Variants in MYO10 observed in about 807,000 individuals in gnomAD.
MYO10 encodes the protein myosin X.
Under a neutral mutation model 257.3 loss-of-function variants are expected in MYO10, and 133 were observed. The ratio of observed to expected loss-of-function variants is 0.52; its 90% confidence interval spans 0.45 to 0.60. The LOEUF is 0.60. Ranked by LOEUF, MYO10 falls within the 20% of genes least tolerant of loss-of-function variation. The pLI, the probability that MYO10 is intolerant of heterozygous loss-of-function variation, is 0.00. For synonymous variants in MYO10, 1,104 were observed against 1,028.6 expected, an observed-to-expected ratio of 1.07 and a Z score of -1.40; for missense variants, 2,399 against 2,635.7, an observed-to-expected ratio of 0.91 and a Z score of 1.97.
chr5:16,781,682 T>C (rs968653070), intron 6 of MYO10, 23 bp downstream of exon 6: 1 of 1,605,448 alleles, frequency 6.2e-7, no homozygotes, highest in African/African-American at 1.3e-5. Flanking sequence ...TTACTATAGA[T>C]AAAAATAAAT....
rs1741338451 is a variant in MYO10 at position 16,779,608 on chromosome 5, C to T, written c.867G>A (p.Leu289=). The change falls in exon 9 of 41, where the codon TTG becomes TTA. Residue 289 remains leucine, a synonymous_variant. Transcript: ENST00000513610. ...TGTCTTCTACACATCCAGACTGATT[C>T]AAGTAGTGGTAGTTTTCTGGCGTAG... ...YLSTPENYHY[L]NQSGCVEDKT... The T allele has an allele frequency of 1.2e-6, 2 of 1,604,552 alleles. No homozygotes were observed. Among genetic ancestry groups the T allele is most frequent in the Non-Finnish European group, 1.7e-6 (2 of 1,177,388 alleles).
chr5:16,864,518 G>A (rs1168378796), intron 2 of MYO10, among the ~76,000 whole-genome samples: 1 of 152,138 alleles, frequency 6.6e-6, no homozygotes, highest in Non-Finnish European at 1.5e-5. Context: ...CTGCATATTT[G>A]CGTTCGTGCA....
chr5:16,792,305 T>C (rs1392502930), intron 4 of MYO10, among the ~76,000 whole-genome samples: 6 of 151,822 alleles, frequency 4.0e-5, no homozygotes, highest in Non-Finnish European at 8.8e-5. Flanking sequence ...CCCCTGCAAA[T>C]GGCTTTCCGT....
At chr5:16,885,800 A>C (rs915861504) in intron 1 of MYO10, among the ~76,000 whole-genome samples, 1 of 152,148 alleles carries the variant, frequency 6.6e-6, no homozygotes, top group Admixed American at 6.5e-5. Flanking sequence ...GCTGGGGCAC[A>C]ACCCTAAGAT....
At chr5:16,911,626 G>C (rs1010156576) in intron 1 of MYO10, among the ~76,000 whole-genome samples, 1 of 152,086 alleles carries the variant, frequency 6.6e-6, no homozygotes, top group South Asian at 2.1e-4. Flanking sequence ...CAGCTACTTG[G>C]GTAACTGAGG....
intron 2 of MYO10, among the ~76,000 whole-genome samples, chr5:16,870,527 T>C (rs1252602114): frequency 6.6e-6 from 1 of 151,526 alleles, no homozygotes; most frequent in African/African-American, 2.4e-5. Context: ...TGCACCACTC[T>C]AAATCAAAGG....
At chr5:16,733,698 A>T (rs143063705) in intron 19 of MYO10, among the ~76,000 whole-genome samples, 1,632 of 152,332 alleles carry the variant, frequency 0.011, 11 homozygotes, top group Middle Eastern at 0.061. Flanking sequence ...ATATCTGTTA[A>T]GTATAAATTA....
rs1023290366 is a variant in MYO10 at position 16,670,553 on chromosome 5, G to A, written c.5856C>T (p.Gly1952=). The A allele has an allele frequency of 9.9e-6, 16 of 1,612,790 alleles. No homozygotes were observed. The African/African-American group carries it at 1.6e-4, about 16-fold the overall frequency. ...KYMALIKEWP[G]YGSTLFDVEC... is the part of the protein sequence containing the mutation. ...CCACATCAAACAGCGTCGAGCCATA[G>A]CCAGGCCACTCCTTGATCAAGGCCA... The change falls in exon 39 of 41, where the codon GGC becomes GGT. Residue 1952 remains glycine (G), a synonymous_variant. Transcript: ENST00000513610.
rs192857675 is a variant in MYO10, at chr5:16,701,519, C to T, written c.2876G>A (p.Arg959Gln). ...EIDECVRNIERSLSVGSEFSS... is the reference protein window; with the variant it reads ...EIDECVRNIEQSLSVGSEFSS... ...AAATTCGCTTCCCACCGACAGGGAC[C>T]GCTCGATATTCCGGACACACTCGTC... The change falls in exon 25 of 41, where the codon CGG (arginine) becomes CAG (glutamine). Residue 959 changes from arginine (R) to glutamine (Q), a missense_variant. This residue lies in a region of MYO10 where 1,820 missense variants were observed against 1,939.4 expected (regional missense o/e 0.94). Coordinates refer to ENST00000513610, the MANE Select transcript of MYO10 (RefSeq NM_012334.3). This position sits in a 1 kb window ranked among gnomAD's most constrained non-coding sequence, Gnocchi z 8.1. 5.0e-5 allele frequency: 81 copies of T among 1,613,970 alleles called. No homozygotes were observed. In the East Asian group the frequency reaches 1.3e-3, roughly 26 times the overall value.
intron 9 of MYO10, among the ~76,000 whole-genome samples, chr5:16,769,753 C>T (rs931627409): frequency 1.2e-4 from 18 of 152,150 alleles, no homozygotes; most frequent in African/African-American, 3.6e-4. Context: ...TAGTGTCCCC[C>T]TTACATACAA....
In MYO10 at chr5:16,907,670, C is replaced by T. The variant is rs148080332; in HGVS notation, c.21+28118G>A. Among the ~76,000 whole-genome samples the T allele has an allele frequency of 2.6e-5, 4 of 152,200 alleles. No homozygotes were observed. The East Asian group carries it at 7.7e-4, about 29-fold the overall frequency. The stretch of plus-strand genomic sequence containing the variant: ...TATGCTTCCTCTTTAAGAAACTACC[C>T]ACAGAATACACAACTCACTGTGGGA... On this transcript the variant is annotated intron_variant, in intron 1 of 40. Transcript: ENST00000513610.
At chr5:16,723,562 C>T (rs1189888908) in intron 19 of MYO10, among the ~76,000 whole-genome samples, 4 of 152,110 alleles carry the variant, frequency 2.6e-5, no homozygotes, top group Non-Finnish European at 5.9e-5. Context: ...AAGACAGTTT[C>T]TTAAAAGCTG....
chr5:16,664,820 C>T lies in MYO10; in HGVS notation c.*1872G>A, dbSNP rs1173425504. 6.6e-6 allele frequency: 1 copy of T among 152,180 alleles called. No individual in the cohort carries two copies. The highest frequency in any genetic ancestry group is 1.5e-5 in the Non-Finnish European group (1 of 68,060). The allele number at this position is 152,180 out of a possible 1,614,324, so 9.4% of individuals were successfully genotyped here. ...CTTCTTTTGCTTTCTTGAAGTCACA[C>T]TCAGTGTCTACAAGAGCAGTGGAGA... On this transcript the variant is annotated 3_prime_UTR_variant, in exon 41 of 41. Coordinates refer to ENST00000513610, the MANE Select transcript of MYO10 (RefSeq NM_012334.3).
chr5:16,693,209 A>T (rs1296415543), intron 27 of MYO10, among the ~76,000 whole-genome samples: 2 of 152,166 alleles, frequency 1.3e-5, no homozygotes, highest in Non-Finnish European at 2.9e-5. Context: ...TTGAGGCTGC[A>T]GTGAGCCGAG....
chr5:16,895,076 C>T (rs943839834), intron 1 of MYO10, among the ~76,000 whole-genome samples: 1 of 152,234 alleles, frequency 6.6e-6, no homozygotes, highest in Non-Finnish European at 1.5e-5. Flanking sequence ...AAATCACCTC[C>T]ACCCTTACCA....
At chr5:16,678,927 C>G (rs1012069389) in intron 33 of MYO10, among the ~76,000 whole-genome samples, 1 of 152,202 alleles carries the variant, frequency 6.6e-6, no homozygotes, top group Non-Finnish European at 1.5e-5. Flanking sequence ...CGGGACTGAC[C>G]GGCTACGTGG....
chr5:16,719,083 G>A (rs1039747335), intron 19 of MYO10, among the ~76,000 whole-genome samples: 1 of 152,102 alleles, frequency 6.6e-6, no homozygotes, highest in African/African-American at 2.4e-5. Context: ...AATAAATCTT[G>A]CTACTGCTCA....
chr5:16,681,116 A>G (rs1435344735), intron 32 of MYO10, among the ~76,000 whole-genome samples, 193 bp downstream of exon 32: 3 of 152,204 alleles, frequency 2.0e-5, no homozygotes, highest in Non-Finnish European at 4.4e-5. Context: ...CACTCCATGA[A>G]TCGACCTCTA....
At chr5:16,791,547 C>CACACACACAT (rs1553996589) in intron 4 of MYO10, among the ~76,000 whole-genome samples, 2 of 64,660 alleles carry the variant, frequency 3.1e-5, no homozygotes, top group African/African-American at 8.6e-5. Context: ...TACATACATA[C>CACACACACAT]ACACACACAC....
Sources: allele counts gnomAD v4.1 joint callset (sites outside exome capture counted in the v4.1 genomes callset), GRCh38; gene constraint gnomAD v4.1.1; regional missense constraint gnomAD v4.1.1; non-coding constraint Gnocchi (gnomAD v3.1); transcripts MANE v1.5; gene names NCBI Gene and HGNC (gene_info 2026-07-23, HGNC 2026-07-21).